Variants in NR3C2 observed in about 807,000 individuals in gnomAD.
NR3C2 encodes mineralocorticoid receptor.
In NR3C2, 15 loss-of-function variants were observed where a neutral mutation model predicts 86.4. That is an observed-to-expected ratio of 0.17 (90% CI 0.12 to 0.27). The LOEUF is 0.27. Among genes scored for constraint, NR3C2 ranks in the 10% least tolerant of loss-of-function variants. The pLI, the probability that NR3C2 is intolerant of heterozygous loss-of-function variation, is 1.00. For synonymous variants in NR3C2, 458 were observed against 450.5 expected, an observed-to-expected ratio of 1.02 and a Z score of -0.21; for missense variants, 960 against 1,195.6, an observed-to-expected ratio of 0.80 and a Z score of 2.91.
At chr4:148,121,356 C>A (rs1732497502) in intron 6 of NR3C2, among the ~76,000 whole-genome samples, 3 of 152,306 alleles carry the variant, frequency 2.0e-5, no homozygotes, top group African/African-American at 7.2e-5. Context: ...CGAAACACAG[C>A]ACATGTTCTC....
chr4:148,247,026 G>A (rs1029529566), intron 3 of NR3C2, among the ~76,000 whole-genome samples: 2 of 152,056 alleles, frequency 1.3e-5, no homozygotes, highest in African/African-American at 4.8e-5. Context: ...GTAATGTCAG[G>A]TCATCTTTGA....
intron 4 of NR3C2, among the ~76,000 whole-genome samples, chr4:148,193,016 T>C (rs987305388): frequency 2.0e-5 from 3 of 152,208 alleles, no homozygotes; most frequent in African/African-American, 4.8e-5. Context: ...CCTGTTCAAA[T>C]TGTTACAAAG....
intron 6 of NR3C2, 48 bp downstream of exon 6, chr4:148,152,421 G>T (rs367634829): frequency 1.3e-6 from 2 of 1,570,046 alleles, no homozygotes; most frequent in South Asian, 1.1e-5. Flanking sequence ...AAATCATAAC[G>T]CATAACTCTG....
chr4:148,227,579 C>T (rs1166258834), intron 3 of NR3C2, among the ~76,000 whole-genome samples: 1 of 152,110 alleles, frequency 6.6e-6, no homozygotes, highest in Non-Finnish European at 1.5e-5. Flanking sequence ...ACAATTATTA[C>T]CATGGTGATG....
chr4:148,388,644 G>A (rs1176475236), intron 2 of NR3C2, among the ~76,000 whole-genome samples: 3 of 152,038 alleles, frequency 2.0e-5, no homozygotes, highest in Non-Finnish European at 4.4e-5. Context: ...AATAAGTTGG[G>A]GAGACTATTA....
chr4:148,356,746 C>A (rs980121882), intron 2 of NR3C2, among the ~76,000 whole-genome samples: 1 of 152,118 alleles, frequency 6.6e-6, no homozygotes, highest in Non-Finnish European at 1.5e-5. Context: ...AAAAATAAGT[C>A]TTGTTACTAA....
At chr4:148,334,281 G>A (rs1704048336) in intron 2 of NR3C2, among the ~76,000 whole-genome samples, 1 of 152,320 alleles carries the variant, frequency 6.6e-6, no homozygotes, top group South Asian at 2.1e-4. Flanking sequence ...GGTGGCTCAC[G>A]CCTATAATCC....
intron 6 of NR3C2, among the ~76,000 whole-genome samples, chr4:148,123,299 G>A (rs1281822875): frequency 6.6e-6 from 1 of 152,128 alleles, no homozygotes. Flanking sequence ...GTTTATCAAG[G>A]CAATACATGC....
At chr4:148,143,663 AGGCTGGGCGCGGT>A (rs1733724035) in intron 6 of NR3C2, among the ~76,000 whole-genome samples, 1 of 152,208 alleles carries the variant, frequency 6.6e-6, no homozygotes, top group African/African-American at 2.4e-5. Context: ...CAAAAACAAC[AGGCTGGGCGCGGT>A]GGCTCATGCC....
At chr4:148,246,071 G>A (rs1739299711) in intron 3 of NR3C2, among the ~76,000 whole-genome samples, 1 of 147,158 alleles carries the variant, frequency 6.8e-6, no homozygotes, top group Non-Finnish European at 1.5e-5. Flanking sequence ...AGAAACGAAT[G>A]GTGTTCCCTG....
At chr4:148,186,435 G>A (rs921574916) in intron 4 of NR3C2, among the ~76,000 whole-genome samples, 2 of 150,914 alleles carry the variant, frequency 1.3e-5, no homozygotes, top group African/African-American at 4.8e-5. Flanking sequence ...TATTTGATTT[G>A]TAAGTAATGT....
At position 148,435,635 on chromosome 4, in the gene NR3C2, G is replaced by A. The variant is rs776993041; in HGVS notation, c.1226C>T (p.Ser409Leu). Reference sequence around the variant, plus strand: ...TATTTTGCTATTTCCTCCTAGACATGAGCTGCTAAAAGCTCCATCTGGTTC... The same window carrying A: ...TATTTTGCTATTTCCTCCTAGACATAAGCTGCTAAAAGCTCCATCTGGTTC... Reference protein sequence around the residue: ...KPEPDGAFSSSCLGGNSKINS... With the variant: ...KPEPDGAFSSLCLGGNSKINS... The change falls in exon 2 of 9, where the codon TCA becomes TTA. Residue 409 changes from serine (S) to leucine (L), a missense_variant. Ser to Leu is a moderately radical substitution (Grantham distance 145, BLOSUM62 -2). This residue lies in a region of NR3C2 where 680 missense variants were observed against 719.0 expected (regional missense o/e 0.95). Coordinates refer to ENST00000358102, the MANE Select transcript of NR3C2 (RefSeq NM_000901.5). The A allele has an allele frequency of 3.1e-6, 5 of 1,614,008 alleles. No homozygotes were observed. Among genetic ancestry groups the A allele is most frequent in the Non-Finnish European group, 4.2e-6 (5 of 1,180,054 alleles).
intron 2 of NR3C2, among the ~76,000 whole-genome samples, chr4:148,346,630 A>T (rs1745006876): frequency 6.6e-6 from 1 of 152,138 alleles, no homozygotes; most frequent in Non-Finnish European, 1.5e-5. Context: ...GCTAGGGCAA[A>T]GTGAAATGTA....
chr4:148,322,135 T>C (rs1488962349), intron 2 of NR3C2, among the ~76,000 whole-genome samples: 2 of 150,014 alleles, frequency 1.3e-5, no homozygotes, highest in African/African-American at 4.9e-5. Flanking sequence ...CCTTCACTTA[T>C]GAAGCTTAGT....
chr4:148,362,265 G>C (rs1468098141), intron 2 of NR3C2, among the ~76,000 whole-genome samples: 1 of 152,092 alleles, frequency 6.6e-6, no homozygotes. Flanking sequence ...ACCATTTTAG[G>C]ATGACTACAG....
chr4:148,140,447 T>G (rs774991227), intron 6 of NR3C2, among the ~76,000 whole-genome samples: 3 of 152,092 alleles, frequency 2.0e-5, no homozygotes, highest in African/African-American at 7.2e-5. Flanking sequence ...GGCAGGAGGA[T>G]TGCCTGAGCC....
At chr4:148,272,588 C>T (rs1740743257) in intron 2 of NR3C2, among the ~76,000 whole-genome samples, 1 of 152,160 alleles carries the variant, frequency 6.6e-6, no homozygotes, top group Admixed American at 6.5e-5. Flanking sequence ...TTACTACTGG[C>T]TTTACTGCTC....
intron 2 of NR3C2, among the ~76,000 whole-genome samples, chr4:148,342,402 G>T (rs1462940553): frequency 6.6e-6 from 1 of 152,122 alleles, no homozygotes; most frequent in Non-Finnish European, 1.5e-5. Flanking sequence ...TAATGCGCAA[G>T]GCCCTGAGCC....
At chr4:148,184,294 CAAA>C (rs35947630) in intron 4 of NR3C2, among the ~76,000 whole-genome samples, 3 of 141,260 alleles carry the variant, frequency 2.1e-5, no homozygotes, top group Non-Finnish European at 1.5e-5. Context: ...ACTAAAAATA[CAAA>C]AAAAAAAAAA....
Sources: allele counts gnomAD v4.1 joint callset (sites outside exome capture counted in the v4.1 genomes callset), GRCh38; gene constraint gnomAD v4.1.1; regional missense constraint gnomAD v4.1.1; transcripts MANE v1.5; gene names NCBI Gene and HGNC (gene_info 2026-07-23, HGNC 2026-07-21).